Variants in PCP4 observed in about 807,000 individuals in gnomAD.
PCP4 encodes Purkinje cell protein 4.
In PCP4, 8 loss-of-function variants were observed where a neutral mutation model predicts 10.0. That is an observed-to-expected ratio of 0.80 (90% CI 0.47 to 1.45). The LOEUF (loss-of-function observed/expected upper bound fraction) is 1.45, where lower values mean the gene tolerates loss of function less well. Among genes scored for constraint, PCP4 ranks in the 40% most tolerant of loss-of-function variants. The pLI is 0.00. For synonymous variants in PCP4, 21 were observed against 23.0 expected, an observed-to-expected ratio of 0.91 and a Z score of 0.24; for missense variants, 54 against 74.4, an observed-to-expected ratio of 0.73 and a Z score of 1.01.
At chr21:39,915,433 CTGAT>C (rs2087564369) in intron 2 of PCP4, among the ~76,000 whole-genome samples, 1 of 152,160 alleles carries the variant, frequency 6.6e-6, no homozygotes, top group South Asian at 2.1e-4. Context: ...GAATTATACA[CTGAT>C]TATCACACAC....
At chr21:39,925,978 A>G (rs2087619191) in intron 2 of PCP4, 1 of 454,490 alleles carries the variant, frequency 2.2e-6, no homozygotes, top group Non-Finnish European at 4.4e-6. Flanking sequence ...CCTGACTTCC[A>G]GGGCCACAGA....
At chr21:39,899,290 C>T (rs962065772) in intron 2 of PCP4, among the ~76,000 whole-genome samples, 8 of 152,130 alleles carry the variant, frequency 5.3e-5, no homozygotes, top group Non-Finnish European at 7.3e-5. Context: ...AGCATAGTTC[C>T]GGTGAGGTGA....
intron 2 of PCP4, among the ~76,000 whole-genome samples, chr21:39,907,961 G>A (rs2087520862): frequency 6.6e-6 from 1 of 152,196 alleles, no homozygotes; most frequent in Non-Finnish European, 1.5e-5. Flanking sequence ...TGTTGCCAAT[G>A]TACTTCCCTC....
rs368863417 is a variant in PCP4 at position 39,867,521 on chromosome 21, C to G, written c.9+11C>G. On this transcript the variant is annotated intron_variant, in intron 1 of 2. Coordinates refer to ENST00000328619, the MANE Select transcript of PCP4 (RefSeq NM_006198.3). ...GCCAACATGAGTGAGGTGAGTGATGCTTCGACCTGGAGAGGGAAACTTAGG... is the reference window on the plus strand; with the variant it reads ...GCCAACATGAGTGAGGTGAGTGATGGTTCGACCTGGAGAGGGAAACTTAGG... The G allele has an allele frequency of 1.2e-6, 2 of 1,613,848 alleles. No homozygotes were observed. Among genetic ancestry groups the G allele is most frequent in the South Asian group, 2.2e-5 (2 of 91,084 alleles).
chr21:39,899,276 C>T (rs1419434434), intron 2 of PCP4, among the ~76,000 whole-genome samples: 4 of 152,178 alleles, frequency 2.6e-5, no homozygotes, highest in African/African-American at 9.6e-5. Flanking sequence ...GCACCAAGGG[C>T]CACAGCATAG....
chr21:39,894,415 A>G (rs1440411757), intron 1 of PCP4, among the ~76,000 whole-genome samples: 3 of 152,236 alleles, frequency 2.0e-5, no homozygotes, highest in East Asian at 1.9e-4. Context: ...ATATTCATGA[A>G]GCTCTCAAAT....
intron 1 of PCP4, among the ~76,000 whole-genome samples, chr21:39,879,446 A>G (rs755740723): frequency 3.3e-5 from 5 of 152,160 alleles, no homozygotes; most frequent in African/African-American, 4.8e-5. Context: ...TTTCCATGTC[A>G]TCACTTTTTT....
chr21:39,874,661 C>CTTT (rs10640411), intron 1 of PCP4, among the ~76,000 whole-genome samples: 162 of 140,366 alleles, frequency 1.2e-3, no homozygotes, highest in East Asian at 7.0e-3. Flanking sequence ...TTTTCAAGAT[C>CTTT]TTTTTTTTTT....
At chr21:39,876,878 C>T (rs2087348770) in intron 1 of PCP4, among the ~76,000 whole-genome samples, 1 of 152,142 alleles carries the variant, frequency 6.6e-6, no homozygotes, top group African/African-American at 2.4e-5. Flanking sequence ...TGGCTCTGCC[C>T]TTCCTTGAGT....
At chr21:39,869,213 C>T (rs555994945) in intron 1 of PCP4, among the ~76,000 whole-genome samples, 33 of 152,298 alleles carry the variant, frequency 2.2e-4, no homozygotes, top group Non-Finnish European at 3.8e-4. Flanking sequence ...TCAGTCATGC[C>T]GTCACTTGCT....
chr21:39,920,123 TTGTG>T (rs539639540), intron 2 of PCP4, among the ~76,000 whole-genome samples: 15 of 135,612 alleles, frequency 1.1e-4, no homozygotes, highest in East Asian at 2.2e-4. Context: ...TGTGGGGTGT[TTGTG>T]TGTGTGGTGT....
chr21:39,870,372 G>A (rs1442463102), intron 1 of PCP4, among the ~76,000 whole-genome samples: 2 of 152,218 alleles, frequency 1.3e-5, no homozygotes, highest in African/African-American at 2.4e-5. Context: ...TGTGCCTGGA[G>A]CAATCTATGA....
chr21:39,911,145 T>C (rs945433931), intron 2 of PCP4, among the ~76,000 whole-genome samples: 4 of 152,170 alleles, frequency 2.6e-5, no homozygotes, highest in East Asian at 1.9e-4. Context: ...ATGTATTTTC[T>C]TGGTGGAGGC....
intron 1 of PCP4, among the ~76,000 whole-genome samples, chr21:39,872,253 C>T (rs1336589663): frequency 6.6e-6 from 1 of 152,192 alleles, no homozygotes; most frequent in Non-Finnish European, 1.5e-5. Context: ...CCCGCCTTGG[C>T]CTCCCAAAGT....
chr21:39,870,014 A>G (rs2087312200), intron 1 of PCP4, among the ~76,000 whole-genome samples: 1 of 152,182 alleles, frequency 6.6e-6, no homozygotes, highest in African/African-American at 2.4e-5. Context: ...GGAGCTCATT[A>G]GCTGCTTACC....
chr21:39,897,600 C>T (rs1210066054), intron 1 of PCP4, among the ~76,000 whole-genome samples: 1 of 151,954 alleles, frequency 6.6e-6, no homozygotes, highest in Non-Finnish European at 1.5e-5. Flanking sequence ...AGAATCTTGC[C>T]CAAAGTGTTA....
chr21:39,927,319 TATC>T (rs779640373), intron 2 of PCP4, among the ~76,000 whole-genome samples: 3,391 of 108,110 alleles, frequency 0.031, 50 homozygotes, highest in Middle Eastern at 0.067. Flanking sequence ...TCTATCTATC[TATC>T]ATCTATCTAT....
chr21:39,870,113 C>T (rs2087312820), intron 1 of PCP4, among the ~76,000 whole-genome samples: 1 of 152,198 alleles, frequency 6.6e-6, no homozygotes, highest in Admixed American at 6.5e-5. Context: ...GGCCTCCCCG[C>T]CTTTAAGGGA....
intron 1 of PCP4, among the ~76,000 whole-genome samples, chr21:39,897,883 A>T (rs2087464550): frequency 6.6e-6 from 1 of 151,898 alleles, no homozygotes; most frequent in African/African-American, 2.4e-5. Flanking sequence ...TGTCTCTACT[A>T]AAAATACAAA....
Sources: allele counts gnomAD v4.1 joint callset (sites outside exome capture counted in the v4.1 genomes callset), GRCh38; gene constraint gnomAD v4.1.1; transcripts MANE v1.5; gene names NCBI Gene and HGNC (gene_info 2026-07-23, HGNC 2026-07-21).